The following ZHX3 variants were observed in gnomAD, a reference collection of about 807,000 sequenced individuals.
The protein encoded by ZHX3 is zinc fingers and homeoboxes protein 3.
A neutral mutation model predicts 64.5 loss-of-function variants in ZHX3; 20 were observed. The observed-to-expected ratio is 0.31, with a 90% CI of 0.22 to 0.45. The LOEUF (loss-of-function observed/expected upper bound fraction) is 0.45. Among genes scored for constraint, ZHX3 ranks in the 20% least tolerant of loss-of-function variants. The pLI is 1.00. For missense variants in ZHX3, 1,041 were observed against 1,195.8 expected (o/e 0.87, Z 1.91); for synonymous variants, 423 against 461.6 (o/e 0.92, Z 1.07).
chr20:41,248,253 GTGTCTTGTACATTTTTCTACTAC>G (rs2041810994), intron 2 of ZHX3, among the ~76,000 whole-genome samples: 1 of 151,854 alleles, frequency 6.6e-6, no homozygotes, highest in Admixed American at 6.5e-5. Flanking sequence ...GTCCAGAACT[GTGTCTTGTACATTTTTCTACTAC>G]TTTGCACCTG....
intron 2 of ZHX3, among the ~76,000 whole-genome samples, chr20:41,209,710 A>G (rs1290063824): frequency 6.6e-6 from 1 of 152,222 alleles, no homozygotes; most frequent in Non-Finnish European, 1.5e-5. Flanking sequence ...TGGATTAAAG[A>G]CTTAAATGTT....
chr20:41,191,238 A>G (rs1470861977), intron 3 of ZHX3, among the ~76,000 whole-genome samples: 1 of 149,242 alleles, frequency 6.7e-6, no homozygotes, highest in Admixed American at 6.7e-5. Context: ...ATTCTTTTTT[A>G]TTTCTGAGTT....
Position 41,204,158 on chromosome 20 carries a change from G to T in ZHX3, c.759C>A (p.Ala253=). ...SASSAKNPHA[A]NGPLIGTVPV... is the part of the protein sequence containing the mutation. The stretch of plus-strand genomic sequence containing the variant: ...GCACTGTTCCTATCAGGGGCCCGTT[G>T]GCGGCATGGGGGTTTTTTGCAGAGC... Residue 253 remains alanine, a synonymous_variant, in exon 3 of 4, where the codon GCC becomes GCA. Transcript: ENST00000683867. This position sits in a 1 kb window ranked among gnomAD's most constrained non-coding sequence, Gnocchi z 6.6. The T allele has an allele frequency of 6.2e-7, 1 of 1,607,924 alleles. No individual in the cohort carries two copies. The highest frequency in any genetic ancestry group is 1.3e-5 in the African/African-American group (1 of 74,884).
rs149663229 is a variant in ZHX3, at chr20:41,250,363, G to A, written c.-151+18627C>T. 5.6e-4 allele frequency among the ~76,000 whole-genome samples: 86 copies of A among 152,326 alleles called. No homozygotes were observed. In the East Asian group the frequency reaches 0.016, roughly 28 times the overall value. ...AAATAGGACCCAGACTCTCTTAATA[G>A]ACAAAATGTCCGAAGTAGATTTTAA... is the stretch of plus-strand genomic sequence containing the variant. On this transcript the variant is annotated intron_variant, in intron 2 of 3. Coordinates refer to ENST00000683867, the MANE Select transcript of ZHX3 (RefSeq NM_001384317.1).
chr20:41,200,926 C>T lies in ZHX3; in HGVS notation c.2860+1131G>A, dbSNP rs546690745. Among the ~76,000 whole-genome samples, 21 of 152,200 alleles carry T rather than the reference C, an allele frequency of 1.4e-4. No individual in the cohort carries two copies. Among genetic ancestry groups the T allele is most frequent in the African/African-American group, 4.8e-4 (20 of 41,526 alleles). ...TCAGAGAAAGAAAAAGAATTTTGTCCTTTTTAAGACATCCTAAGTAGAAAG... is the reference window on the plus strand; with the variant it reads ...TCAGAGAAAGAAAAAGAATTTTGTCTTTTTTAAGACATCCTAAGTAGAAAG... On this transcript the variant is annotated intron_variant, in intron 3 of 3. Transcript: ENST00000683867. This position sits in a 1 kb window ranked among gnomAD's most constrained non-coding sequence, Gnocchi z 4.2.
At position 41,278,392 on chromosome 20, in the gene ZHX3, A is replaced by C. The variant is rs1297360430; in HGVS notation, c.-244-9309T>G. Among the ~76,000 whole-genome samples the C allele has an allele frequency of 1.4e-5, 2 of 140,048 alleles. 1 individual carries two copies. The highest frequency in any genetic ancestry group is 5.4e-5 in the African/African-American group (2 of 37,066). The allele number at this position is 140,048 out of a possible 152,430, so 91.9% of individuals were successfully genotyped here. The stretch of plus-strand genomic sequence containing the variant: ...GTTGGGGGAAAGCTCATGTAAGCCA[A>C]AACTATCCACTACCAAAAGATAAGC... On this transcript the variant is annotated intron_variant, in intron 1 of 3. Coordinates refer to ENST00000683867, the MANE Select transcript of ZHX3 (RefSeq NM_001384317.1).
At chr20:41,260,119 T>A (rs1027001984) in intron 2 of ZHX3, among the ~76,000 whole-genome samples, 3 of 148,138 alleles carry the variant, frequency 2.0e-5, no homozygotes, top group Non-Finnish European at 4.5e-5. Context: ...ATAAAAATAC[T>A]AAGAACAAAA....
At chr20:41,229,285 TACA>T (rs1431103038) in intron 2 of ZHX3, among the ~76,000 whole-genome samples, 1 of 152,202 alleles carries the variant, frequency 6.6e-6, no homozygotes, top group Non-Finnish European at 1.5e-5. Flanking sequence ...TGTATGTATA[TACA>T]ACATTTTATC....
intron 2 of ZHX3, among the ~76,000 whole-genome samples, chr20:41,268,396 G>A (rs2042966854): frequency 6.6e-6 from 1 of 152,044 alleles, no homozygotes; most frequent in South Asian, 2.1e-4. Context: ...TCCGTATTAA[G>A]TTTAGCATTA....
intron 2 of ZHX3, among the ~76,000 whole-genome samples, chr20:41,211,724 T>C (rs1354010554): frequency 2.0e-5 from 3 of 152,352 alleles, no homozygotes; most frequent in African/African-American, 7.2e-5. Context: ...ACCCCTGCTG[T>C]TGAAAAGCAT....
chr20:41,305,633 A>C (rs2044954581), intron 1 of ZHX3, among the ~76,000 whole-genome samples: 1 of 151,766 alleles, frequency 6.6e-6, no homozygotes, highest in Non-Finnish European at 1.5e-5. Context: ...AAATACAAAA[A>C]ATTAGCCAGG....
intron 2 of ZHX3, among the ~76,000 whole-genome samples, chr20:41,211,851 A>C (rs1424410168): frequency 2.0e-5 from 3 of 152,234 alleles, no homozygotes; most frequent in African/African-American, 7.2e-5. Context: ...CTCAAAGAGC[A>C]TCAACATTTC....
chr20:41,221,327 T>C (rs917818048), intron 2 of ZHX3, among the ~76,000 whole-genome samples: 1 of 152,232 alleles, frequency 6.6e-6, no homozygotes, highest in Non-Finnish European at 1.5e-5. Context: ...CTGAAAAATA[T>C]GGATCAATGC....
intron 1 of ZHX3, among the ~76,000 whole-genome samples, chr20:41,294,943 C>T (rs1410125839): frequency 6.6e-6 from 1 of 152,168 alleles, no homozygotes; most frequent in African/African-American, 2.4e-5. Flanking sequence ...GTGATCCATG[C>T]GCCTCGGCCT....
intron 1 of ZHX3, among the ~76,000 whole-genome samples, chr20:41,300,669 G>A (rs2044767085): frequency 6.6e-6 from 1 of 152,218 alleles, no homozygotes; most frequent in Non-Finnish European, 1.5e-5. Context: ...TTTTGGAGGA[G>A]GGGCACCTGA....
chr20:41,283,419 C>T (rs1427155587), intron 1 of ZHX3, among the ~76,000 whole-genome samples: 1 of 152,128 alleles, frequency 6.6e-6, no homozygotes, highest in Admixed American at 6.5e-5. Context: ...CCACTAAGGG[C>T]AAAAGCAAAT....
chr20:41,311,258 T>C (rs371056941), intron 1 of ZHX3, among the ~76,000 whole-genome samples: 2 of 152,330 alleles, frequency 1.3e-5, no homozygotes, highest in South Asian at 2.1e-4. Flanking sequence ...CTTATAATAG[T>C]AATAGCTAAC....
intron 2 of ZHX3, chr20:41,254,501 A>C (rs1411244924): frequency 1.3e-5 from 2 of 152,176 alleles, no homozygotes; most frequent in East Asian, 3.9e-4. Flanking sequence ...CATGGGCATC[A>C]CAGCAGATTA....
At chr20:41,279,278 A>G (rs1286985034) in intron 1 of ZHX3, among the ~76,000 whole-genome samples, 2 of 152,180 alleles carry the variant, frequency 1.3e-5, no homozygotes, top group African/African-American at 4.8e-5. Context: ...CATCCTTGTT[A>G]GCATTAAATT....
Sources: gnomAD v4.1 joint callset for allele counts (sites outside exome capture counted in the v4.1 genomes callset) on GRCh38, gnomAD v4.1.1 for gene constraint, Gnocchi (gnomAD v3.1) non-coding constraint, MANE v1.5 for transcripts, NCBI Gene and HGNC (gene_info 2026-07-23, HGNC 2026-07-21) for gene names.